ACSS1: variants seen among roughly 807,000 people sequenced by gnomAD.
ACSS1 encodes the protein acetyl-coenzyme A synthetase 2-like, mitochondrial.
ACSS1 carries 42 observed loss-of-function variants against 75.3 expected under a neutral mutation model. The observed-to-expected ratio is 0.56, with a 90% CI of 0.44 to 0.72. The LOEUF (loss-of-function observed/expected upper bound fraction) is 0.72, where lower values mean the gene tolerates loss of function less well. Among genes scored for constraint, ACSS1 ranks in the 30% least tolerant of loss-of-function variants. The pLI is 0.00. For synonymous variants in ACSS1, 380 were observed against 376.8 expected (o/e 1.01, Z -0.10); for missense variants, 782 against 935.7 (o/e 0.84, Z 2.14).
chr20:25,023,244 A>C (rs1467435440), intron 4 of ACSS1, 152 bp from the exon 5 acceptor site: 3 of 1,191,944 alleles, frequency 2.5e-6, no homozygotes, highest in East Asian at 2.6e-5. Context: ...AAGGACACAA[A>C]ACAAAAGCGT....
chr20:25,048,726 G>A (rs73906055), intron 1 of ACSS1, among the ~76,000 whole-genome samples: 5,782 of 152,304 alleles, frequency 0.038, 391 homozygotes, highest in African/African-American at 0.13. Flanking sequence ...AACCAGCCTT[G>A]TTCCAAGAAG....
intron 2 of ACSS1, among the ~76,000 whole-genome samples, chr20:25,034,935 G>A (rs558070372): frequency 1.3e-5 from 2 of 149,784 alleles, no homozygotes; most frequent in South Asian, 2.1e-4. Flanking sequence ...CTCTGTTGCC[G>A]AGGCTGGAGT....
At chr20:25,042,229 G>A (rs1321145142) in intron 2 of ACSS1, among the ~76,000 whole-genome samples, 1 of 152,194 alleles carries the variant, frequency 6.6e-6, no homozygotes, top group Non-Finnish European at 1.5e-5. Flanking sequence ...GGCAGCGTGC[G>A]TAGGAAGACC....
At chr20:25,018,237 T>C (rs1164532129) in intron 7 of ACSS1, among the ~76,000 whole-genome samples, 1 of 152,220 alleles carries the variant, frequency 6.6e-6, no homozygotes, top group Non-Finnish European at 1.5e-5. Context: ...TCTTGCTCTC[T>C]CTTGCCTTCT....
intron 7 of ACSS1, among the ~76,000 whole-genome samples, chr20:25,016,204 G>T (rs1448982117): frequency 1.2e-4 from 18 of 152,178 alleles, no homozygotes; most frequent in Admixed American, 1.2e-3. Flanking sequence ...CCCAGCTGAG[G>T]TTCAAGTGCA....
chr20:25,046,734 A>G, intron 2 of ACSS1: 1 of 767,952 alleles, frequency 1.3e-6, no homozygotes. Flanking sequence ...CAGCTGCAGC[A>G]GCTTGGGTCT....
At chr20:25,053,401 C>A (rs1441142540) in intron 1 of ACSS1, among the ~76,000 whole-genome samples, 2 of 151,992 alleles carry the variant, frequency 1.3e-5, no homozygotes, top group African/African-American at 4.8e-5. Flanking sequence ...TCTTCCCTGG[C>A]AGGCTTTGAG....
In ACSS1 at chr20:25,013,911, A is replaced by T. The variant is rs201512408; in HGVS notation, c.1452+50T>A. 2,458 of 1,565,052 alleles carry T rather than the reference A, an allele frequency of 1.6e-3. 2 individuals carry two copies. The highest frequency in any genetic ancestry group is 2.0e-3 in the Non-Finnish European group (2,285 of 1,141,770). ...AGAGAGCTGGGCTGGGCAGGCAGGG[A>T]CAAGGGAGGGCAAGCACATGACCCC... On this transcript the variant is annotated intron_variant, in intron 9 of 13. Coordinates refer to ENST00000323482, the MANE Select transcript of ACSS1 (RefSeq NM_032501.4).
At chr20:25,048,277 G>T in intron 1 of ACSS1, 96 bp from the exon 2 acceptor site, 1 of 996,880 alleles carries the variant, frequency 1.0e-6, no homozygotes, top group Non-Finnish European at 1.5e-6. Context: ...GTTTGCTGTG[G>T]CTCTCTCTTC....
intron 1 of ACSS1, 47 bp from the exon 2 acceptor site, chr20:25,048,228 G>A (rs772184778): frequency 6.4e-7 from 1 of 1,571,158 alleles, no homozygotes. Flanking sequence ...TGCTTTTTGA[G>A]TGAGAATTCG....
rs927268879 is a variant in ACSS1 at position 25,032,364 on chromosome 20, C to T, written c.432-1406G>A. 15 of 1,354,494 alleles carry T rather than the reference C, an allele frequency of 1.1e-5. No homozygotes were observed. In the African/African-American group the frequency reaches 1.6e-4, roughly 15 times the overall value. 83.9% of individuals were successfully genotyped at this position (1,354,494 alleles called of 1,614,324 possible). On this transcript the variant is annotated intron_variant, in intron 2 of 13. Coordinates refer to ENST00000323482, the MANE Select transcript of ACSS1 (RefSeq NM_032501.4). Reference sequence around the variant, plus strand: ...ACTGGGAGCAGGCGAGAGCCGCCAACTTGCCGGCCATGCGGTGCGAAGTGG... The same window carrying T: ...ACTGGGAGCAGGCGAGAGCCGCCAATTTGCCGGCCATGCGGTGCGAAGTGG...
intron 1 of ACSS1, among the ~76,000 whole-genome samples, chr20:25,056,484 T>G (rs966042821): frequency 1.3e-5 from 2 of 152,156 alleles, no homozygotes; most frequent in Non-Finnish European, 2.9e-5. Context: ...TCCTTCCAAT[T>G]TCTTTGAAAA....
In ACSS1 at chr20:25,007,115, T is replaced by C; in HGVS notation, c.*647A>G. ...TCACCAGGAAAAGATGCCGGAGGCT[T>C]GGAAGTTCTCAAGGGAACTGTTTAG... On this transcript the variant is annotated 3_prime_UTR_variant, in exon 14 of 14. Transcript: ENST00000323482. 7.1e-7 allele frequency: 1 copy of C among 1,404,492 alleles called. No individual in the cohort carries two copies. Among genetic ancestry groups the C allele is most frequent in the South Asian group, 1.6e-5 (1 of 62,176 alleles). The allele number at this position is 1,404,492 out of a possible 1,614,324, so 87.0% of individuals were successfully genotyped here. A position where few individuals can be genotyped will look rare whatever the true frequency, so the allele number is the denominator to read the frequency against.
chr20:25,048,175 C>A lies in ACSS1; in HGVS notation c.341G>T (p.Cys114Phe). ...GGACTTCCGAACATGCTGGTCCAAG[C>A]AGTTGACTGTACAAAAAGAGGGTTT... ...LGGQLNVSVN[C>F]LDQHVRKSPE... The change falls in exon 2 of 14, where the codon TGC (cysteine) becomes TTC (phenylalanine). Residue 114 changes from cysteine to phenylalanine, a missense_variant. This residue lies in a region of ACSS1 where 377 missense variants were observed against 383.1 expected (regional missense o/e 0.98). Coordinates refer to ENST00000323482, the MANE Select transcript of ACSS1 (RefSeq NM_032501.4). The A allele has an allele frequency of 6.2e-7, 1 of 1,612,858 alleles. No homozygotes were observed. The highest frequency in any genetic ancestry group is 8.5e-7 in the Non-Finnish European group (1 of 1,179,894).
At chr20:25,028,462 C>T (rs970046311) in intron 3 of ACSS1, among the ~76,000 whole-genome samples, 3 of 152,140 alleles carry the variant, frequency 2.0e-5, no homozygotes, top group African/African-American at 7.2e-5. Context: ...AATAATCCCT[C>T]ACATATATGG....
chr20:25,032,696 A>C (rs1025798092), intron 2 of ACSS1: 169 of 1,181,958 alleles, frequency 1.4e-4, no homozygotes, highest in Non-Finnish European at 1.7e-4. Context: ...AGGGTAGTCA[A>C]GGAAAGGGCT....
At chr20:25,046,743 C>T in intron 2 of ACSS1, 1 of 773,724 alleles carries the variant, frequency 1.3e-6, no homozygotes, top group South Asian at 1.3e-5. Context: ...CAGCTTGGGT[C>T]TTCAGAGCCA....
intron 2 of ACSS1, among the ~76,000 whole-genome samples, chr20:25,043,548 C>G (rs2122733863): frequency 6.6e-6 from 1 of 152,344 alleles, no homozygotes; most frequent in South Asian, 2.1e-4. Context: ...GAAAACCTCC[C>G]TCAGCTTCCT....
At chr20:25,048,493 C>A (rs1205101107) in intron 1 of ACSS1, among the ~76,000 whole-genome samples, 1 of 152,196 alleles carries the variant, frequency 6.6e-6, no homozygotes, top group Non-Finnish European at 1.5e-5. Context: ...GGGTCCTGGG[C>A]CTTCAAAGCC....
Sources: gnomAD v4.1 joint callset for allele counts (sites outside exome capture counted in the v4.1 genomes callset) on GRCh38, gnomAD v4.1.1 for gene constraint, gnomAD v4.1.1 regional missense constraint, MANE v1.5 for transcripts, NCBI Gene and HGNC (gene_info 2026-07-23, HGNC 2026-07-21) for gene names.